Variants in CA13 observed in about 807,000 individuals in gnomAD.
The protein encoded by CA13 is carbonic anhydrase 13.
CA13 carries 21 observed loss-of-function variants against 31.5 expected under a neutral mutation model. The ratio of observed to expected loss-of-function variants is 0.67; its 90% CI spans 0.47 to 0.96. The LOEUF (loss-of-function observed/expected upper bound fraction) is 0.96, where lower values mean the gene tolerates loss of function less well. Ranked by LOEUF, CA13 falls within the 40% of genes least tolerant of loss-of-function variation. The probability of loss-of-function intolerance (pLI) is 0.00; values close to 1 mark genes in which losing one functional copy is unlikely to be tolerated. For synonymous variants in CA13, 117 were observed against 111.4 expected (o/e 1.05, Z -0.32); for missense variants, 315 against 318.9 (o/e 0.99, Z 0.09).
chr8:85,254,976 G>A (rs967836037), intron 2 of CA13, among the ~76,000 whole-genome samples: 4 of 151,926 alleles, frequency 2.6e-5, no homozygotes, highest in African/African-American at 9.7e-5. Flanking sequence ...CATAGTTCTT[G>A]GAGGGCGTGT....
At chr8:85,273,161 A>G (rs982077497) in intron 6 of CA13, among the ~76,000 whole-genome samples, 1 of 152,240 alleles carries the variant, frequency 6.6e-6, no homozygotes, top group Non-Finnish European at 1.5e-5. Flanking sequence ...GCTGTGTCAT[A>G]TTAAATTCCC....
At chr8:85,276,882 T>A (rs1343236499) in intron 6 of CA13, among the ~76,000 whole-genome samples, 1 of 151,880 alleles carries the variant, frequency 6.6e-6, no homozygotes, top group African/African-American at 2.4e-5. Flanking sequence ...CGGCACTCTT[T>A]ATCTAGCTCA....
intron 2 of CA13, among the ~76,000 whole-genome samples, chr8:85,257,600 C>T (rs143568138): frequency 1.3e-3 from 190 of 151,518 alleles, no homozygotes; most frequent in African/African-American, 4.5e-3. Context: ...TGTGTGCGCC[C>T]GTAGTCCCAG....
At chr8:85,261,989 G>T (rs1032106840) in intron 3 of CA13, among the ~76,000 whole-genome samples, 1 of 20,302 alleles carries the variant, frequency 4.9e-5, no homozygotes, top group South Asian at 1.3e-3. Context: ...GGGACCACAG[G>T]TGGGCACCAC....
rs1807377404 is a variant in CA13 at position 85,261,455 on chromosome 8, T to G, written c.354+1916T>G. On this transcript the variant is annotated intron_variant, in intron 3 of 6. Coordinates refer to ENST00000321764, the MANE Select transcript of CA13 (RefSeq NM_198584.3). ...TTTATTTTTTTTTTGAGACAGAGTTTTGCTCTTGTTGCCCAGGCTAGAATG... is the reference window on the plus strand; with the variant it reads ...TTTATTTTTTTTTTGAGACAGAGTTGTGCTCTTGTTGCCCAGGCTAGAATG... Among the ~76,000 whole-genome samples the G allele has an allele frequency of 2.0e-5, 3 of 152,302 alleles. No homozygotes were observed. In the South Asian group the frequency reaches 6.2e-4, roughly 32 times the overall value.
chr8:85,254,681 T>G (rs1807257104), intron 2 of CA13, among the ~76,000 whole-genome samples: 1 of 152,086 alleles, frequency 6.6e-6, no homozygotes. Context: ...ATTCTTATTC[T>G]TTTTTTCTCA....
At chr8:85,277,105 TAAGAG>T (rs1412258374) in intron 6 of CA13, among the ~76,000 whole-genome samples, 5 of 152,182 alleles carry the variant, frequency 3.3e-5, no homozygotes, top group Admixed American at 3.3e-4. Flanking sequence ...TGGGGCCAGA[TAAGAG>T]AAGAAAAGCA....
intron 3 of CA13, among the ~76,000 whole-genome samples, chr8:85,260,990 A>C (rs918741040): frequency 3.9e-5 from 6 of 152,206 alleles, no homozygotes; most frequent in African/African-American, 1.4e-4. Flanking sequence ...GCTGGCAAGT[A>C]GTTTCCTGAA....
Position 85,259,428 on chromosome 8 carries a change from T to A in CA13, c.243T>A (p.Arg81=), listed in dbSNP as rs370570025. 2.9e-5 allele frequency: 46 copies of A among 1,613,578 alleles called. No homozygotes were observed. The highest frequency in any genetic ancestry group is 3.8e-5 in the Non-Finnish European group (45 of 1,179,676). Residue 81 remains arginine (R), a synonymous_variant, in exon 3 of 7, where the codon CGT becomes CGA. Transcript: ENST00000321764. The stretch of plus-strand genomic sequence containing the variant: ...AAACATGTTGTTGTTTAGTTCTGCG[T>A]GGTGGTCCTCTCACTGGAAGCTACA... ...FDDTENKSVL[R]GGPLTGSYRL...
chr8:85,277,462 G>T (rs150464727), intron 6 of CA13, among the ~76,000 whole-genome samples: 1 of 152,138 alleles, frequency 6.6e-6, no homozygotes, highest in African/African-American at 2.4e-5. Context: ...AACAAACTCC[G>T]GACATGCTGC....
intron 1 of CA13, 74 bp from the exon 2 acceptor site, chr8:85,250,666 G>A: frequency 1.1e-6 from 1 of 922,426 alleles, no homozygotes; most frequent in Non-Finnish European, 1.7e-6. Flanking sequence ...CAAGCACAGT[G>A]TGTTATACTC....
chr8:85,246,413 C>G (rs1813731272), intron 1 of CA13: 1 of 455,992 alleles, frequency 2.2e-6, no homozygotes, highest in Non-Finnish European at 4.4e-6. Context: ...TGTAAATATT[C>G]CCACAGCAAT....
chr8:85,245,963 A>T, intron 1 of CA13, 98 bp downstream of exon 1: 2 of 1,389,438 alleles, frequency 1.4e-6, no homozygotes, highest in Non-Finnish European at 2.0e-6. Flanking sequence ...GGGCTCGCAC[A>T]TTGAGAAACT....
intron 2 of CA13, among the ~76,000 whole-genome samples, chr8:85,257,240 C>T (rs1041551525): frequency 6.6e-6 from 1 of 152,090 alleles, no homozygotes; most frequent in African/African-American, 2.4e-5. Flanking sequence ...TTCAAGTACT[C>T]TCTGGGCACT....
chr8:85,268,853 G>A (rs1807491965), intron 6 of CA13, among the ~76,000 whole-genome samples: 1 of 152,092 alleles, frequency 6.6e-6, no homozygotes, highest in Non-Finnish European at 1.5e-5. Flanking sequence ...CGACACTGAT[G>A]AAAGTAAAGC....
intron 3 of CA13, among the ~76,000 whole-genome samples, chr8:85,263,885 C>T (rs905692659): frequency 3.3e-5 from 5 of 152,022 alleles, no homozygotes; most frequent in African/African-American, 9.7e-5. Context: ...TGCTCAGCTC[C>T]GTGATTCCAA....
intron 1 of CA13, among the ~76,000 whole-genome samples, chr8:85,248,437 A>G (rs1813767779): frequency 6.6e-6 from 1 of 151,536 alleles, no homozygotes; most frequent in African/African-American, 2.4e-5. Flanking sequence ...GGCCTGGGCA[A>G]CAAGAGTGAA....
In CA13 at chr8:85,245,573, A is replaced by G. The variant is rs1293715680; in HGVS notation, c.-256A>G. 7.7e-6 allele frequency: 4 copies of G among 522,868 alleles called. No homozygotes were observed. Among genetic ancestry groups the G allele is most frequent in the African/African-American group, 2.0e-5 (1 of 48,906 alleles). 32.4% of individuals were successfully genotyped at this position (522,868 alleles called of 1,614,324 possible). On this transcript the variant is annotated 5_prime_UTR_variant, in exon 1 of 7. Coordinates refer to ENST00000321764, the MANE Select transcript of CA13 (RefSeq NM_198584.3). The stretch of plus-strand genomic sequence containing the variant: ...CTCTCCGTCTCTCCCTCTAACTCAA[A>G]TCTCTCATTCCCGAGTCCAAACTAA...
chr8:85,266,763 A>G, intron 4 of CA13, 60 bp downstream of exon 4: 1 of 1,267,372 alleles, frequency 7.9e-7, no homozygotes. Context: ...AGCTTCAGTC[A>G]CGAAGTAGAC....
Sources: allele counts gnomAD v4.1 joint callset (sites outside exome capture counted in the v4.1 genomes callset), GRCh38; gene constraint gnomAD v4.1.1; transcripts MANE v1.5; gene names NCBI Gene and HGNC (gene_info 2026-07-23, HGNC 2026-07-21).